GPCPD1: variants seen among roughly 807,000 people sequenced by gnomAD.
GPCPD1 encodes glycerophosphocholine phosphodiesterase GPCPD1.
Under a neutral mutation model 89.2 loss-of-function variants are expected in GPCPD1, and 29 were observed. The observed-to-expected ratio is 0.33, with a 90% CI of 0.24 to 0.44. GPCPD1 has a LOEUF of 0.44. Among genes scored for constraint, GPCPD1 ranks in the 20% least tolerant of loss-of-function variants. The pLI is 1.00. For missense variants in GPCPD1, 594 were observed against 808.9 expected (o/e 0.73, Z 3.22); for synonymous variants, 258 against 266.3 (o/e 0.97, Z 0.30).
chr20:5,584,270 G>T lies in GPCPD1; in HGVS notation c.349+11C>A. The T allele has an allele frequency of 7.9e-7, 1 of 1,268,856 alleles. No individual in the cohort carries two copies. Among genetic ancestry groups the T allele is most frequent in the Non-Finnish European group, 1.1e-6 (1 of 872,192 alleles). The allele number at this position is 1,268,856 out of a possible 1,614,324, so 78.6% of individuals were successfully genotyped here. On this transcript the variant is annotated intron_variant, in intron 6 of 19. Transcript: ENST00000379019. ...TTTCAGTAAACATTTAAGTAAGTCAGTCTCACTTACTGTGGATTCCAAATT... is the reference window on the plus strand; with the variant it reads ...TTTCAGTAAACATTTAAGTAAGTCATTCTCACTTACTGTGGATTCCAAATT...
chr20:5,577,042 A>T (rs1008403078), intron 8 of GPCPD1, among the ~76,000 whole-genome samples: 1 of 148,206 alleles, frequency 6.7e-6, no homozygotes, highest in Non-Finnish European at 1.5e-5. Flanking sequence ...CTCAACAACA[A>T]AAAAAAAGTT....
chr20:5,581,333 TCACAA>T (rs1034282094), intron 6 of GPCPD1, among the ~76,000 whole-genome samples: 1 of 152,284 alleles, frequency 6.6e-6, no homozygotes, highest in South Asian at 2.1e-4. Context: ...AGCTATACTG[TCACAA>T]CACAAATAAA....
chr20:5,558,547 T>C (rs1191797178), intron 18 of GPCPD1, 137 bp downstream of exon 18: 1 of 553,838 alleles, frequency 1.8e-6, no homozygotes, highest in Non-Finnish European at 3.2e-6. Context: ...ATATCCTCGT[T>C]TTTAAGTAGA....
At position 5,593,224 on chromosome 20, in the gene GPCPD1, T is replaced by C. The variant is rs572320388; in HGVS notation, c.231+103A>G. ...ATTAATCAAGAGTTCTATTCCTTAT[T>C]TGACCAAAGCAAATGCATTTTACTT... On this transcript the variant is annotated intron_variant, in intron 4 of 19. Coordinates refer to ENST00000379019, the MANE Select transcript of GPCPD1 (RefSeq NM_019593.5). 191 of 656,500 alleles carry C rather than the reference T, an allele frequency of 2.9e-4. No homozygotes were observed. The African/African-American group carries it at 2.9e-3, about 10-fold the overall frequency. 40.7% of individuals were successfully genotyped at this position (656,500 alleles called of 1,614,324 possible).
intron 6 of GPCPD1, among the ~76,000 whole-genome samples, chr20:5,582,478 T>C (rs1978605011): frequency 6.6e-6 from 1 of 152,182 alleles, no homozygotes; most frequent in East Asian, 1.9e-4. Context: ...TGTTCTTTCC[T>C]GTGCTTAGCA....
intron 4 of GPCPD1, among the ~76,000 whole-genome samples, chr20:5,588,852 A>C (rs1979124274): frequency 7.1e-6 from 1 of 140,530 alleles, no homozygotes; most frequent in African/African-American, 2.5e-5. Flanking sequence ...AAAAAAGAAA[A>C]AGAAAAGGGT....
chr20:5,584,337 A>C lies in GPCPD1; in HGVS notation c.308-15T>G. ...AATTTCGCTTTCTAGAATTTAAGGA[A>C]AATAGAAAATTTAGTTAAAACTCTT... On this transcript the variant is annotated splice_polypyrimidine_tract_variant and intron_variant, in intron 5 of 19. Coordinates refer to ENST00000379019, the MANE Select transcript of GPCPD1 (RefSeq NM_019593.5). The C allele has an allele frequency of 8.0e-7, 1 of 1,246,714 alleles. No individual in the cohort carries two copies. The highest frequency in any genetic ancestry group is 1.2e-6 in the Non-Finnish European group (1 of 851,462). The allele number at this position is 1,246,714 out of a possible 1,614,324, so 77.2% of individuals were successfully genotyped here.
rs755747481 is a variant in GPCPD1 at position 5,598,805 on chromosome 20, T to G, written c.66A>C (p.Ile22=). The part of the protein sequence containing the change: ...GTLLPGEVFA[I]CGSCDALGNW... ...TTCCCAAAGCATCACAGCTTCCACA[T>G]ATCGCAAAAACTTCTCCTAAAGAAA... is the stretch of plus-strand genomic sequence containing the variant. The change falls in exon 3 of 20, where the codon ATA becomes ATC. Residue 22 remains isoleucine, a synonymous_variant. Coordinates refer to ENST00000379019, the MANE Select transcript of GPCPD1 (RefSeq NM_019593.5). 1 of 1,610,572 alleles carries G rather than the reference T, an allele frequency of 6.2e-7. No individual in the cohort carries two copies. The highest frequency in any genetic ancestry group is 2.2e-5 in the East Asian group (1 of 44,862).
rs563350871 is a variant in GPCPD1, at chr20:5,574,304, G to A, written c.1002-335C>T. ...AGAAGAAATAGAGACATAGAAACCT[G>A]CTCCTTGCAATACAGCCTCCAAAGG... On this transcript the variant is annotated intron_variant, in intron 10 of 19. Transcript: ENST00000379019. Among the ~76,000 whole-genome samples, 4 of 152,302 alleles carry A rather than the reference G, an allele frequency of 2.6e-5. No homozygotes were observed. In the South Asian group the frequency reaches 6.2e-4, roughly 24 times the overall value.
At chr20:5,610,087 C>T (rs115170954) in intron 1 of GPCPD1, among the ~76,000 whole-genome samples, 59 of 152,308 alleles carry the variant, frequency 3.9e-4, no homozygotes, top group African/African-American at 1.4e-3. Context: ...GTGGAAGAAT[C>T]CTCTACAATT....
rs59154830 is a variant in GPCPD1 at position 5,595,640 on chromosome 20, C to CAAAAAAAAACA, written c.147-2230_147-2229insTGTTTTTTTTT. Among the ~76,000 whole-genome samples the CAAAAAAAAACA allele has an allele frequency of 2.0e-5, 3 of 151,634 alleles. No homozygotes were observed. In the East Asian group the frequency reaches 5.8e-4, roughly 29 times the overall value. On this transcript the variant is annotated intron_variant, in intron 3 of 19. Transcript: ENST00000379019. ...TGGGTGACAGAGTGAGATTCCATCT[C>CAAAAAAAAACA]AAAACAAAAACAAAAACAAAAACAA...
At chr20:5,609,686 C>G (rs1389028897) in intron 1 of GPCPD1, among the ~76,000 whole-genome samples, 5 of 151,994 alleles carry the variant, frequency 3.3e-5, no homozygotes, top group Admixed American at 3.3e-4. Context: ...CTCAAGAGTC[C>G]AGCTTTCCCA....
intron 18 of GPCPD1, 80 bp from the exon 19 acceptor site, chr20:5,558,185 C>G: frequency 1.3e-6 from 1 of 777,648 alleles, no homozygotes; most frequent in Admixed American, 2.7e-5. Context: ...AATCAGTGCT[C>G]TCCAAAGTAC....
chr20:5,578,668 C>G, intron 7 of GPCPD1, 57 bp from the exon 8 acceptor site: 1 of 1,044,510 alleles, frequency 9.6e-7, no homozygotes, highest in South Asian at 1.3e-5. Context: ...AAAACTCATA[C>G]AAATGTTGCC....
chr20:5,556,495 C>CAG (rs1568643332), intron 19 of GPCPD1, among the ~76,000 whole-genome samples: 1 of 152,178 alleles, frequency 6.6e-6, no homozygotes, highest in East Asian at 1.9e-4. Context: ...TGAGCCACTG[C>CAG]GCCCGGCCTA....
At chr20:5,607,338 A>T (rs981762647) in intron 1 of GPCPD1, among the ~76,000 whole-genome samples, 1 of 151,946 alleles carries the variant, frequency 6.6e-6, no homozygotes, top group Non-Finnish European at 1.5e-5. Context: ...CATGCCTGTA[A>T]TCCCAGCACT....
chr20:5,571,429 C>T (rs1161555400), intron 11 of GPCPD1, among the ~76,000 whole-genome samples: 3 of 152,068 alleles, frequency 2.0e-5, no homozygotes, highest in East Asian at 1.9e-4. Flanking sequence ...CAAAATTCAT[C>T]ATGAGGTTTA....
chr20:5,562,198 G>A (rs1055306041), intron 15 of GPCPD1, among the ~76,000 whole-genome samples: 8 of 152,216 alleles, frequency 5.3e-5, no homozygotes, highest in South Asian at 4.1e-4. Flanking sequence ...TCCAAAGAAC[G>A]GACTTGTTCA....
At chr20:5,593,281 T>G in intron 4 of GPCPD1, 46 bp downstream of exon 4, 1 of 944,554 alleles carries the variant, frequency 1.1e-6, no homozygotes, top group East Asian at 2.4e-5. Flanking sequence ...GAGTTGCTTT[T>G]GAAGGAAGTG....
Sources: allele counts gnomAD v4.1 joint callset (sites outside exome capture counted in the v4.1 genomes callset), GRCh38; gene constraint gnomAD v4.1.1; transcripts MANE v1.5; gene names NCBI Gene and HGNC (gene_info 2026-07-23, HGNC 2026-07-21).